SPATA6: variants seen among roughly 807,000 people sequenced by gnomAD.
SPATA6 encodes the protein spermatogenesis associated 6.
In SPATA6, 56 loss-of-function variants were observed where a neutral mutation model predicts 65.3. The observed-to-expected ratio is 0.86, with a 90% CI of 0.69 to 1.07. SPATA6 has a LOEUF of 1.07. SPATA6 is among the 50% of genes least tolerant of loss of function. The pLI is 0.00. For synonymous variants in SPATA6, 199 were observed against 213.2 expected (o/e 0.93, Z 0.58); for missense variants, 590 against 594.8 (o/e 0.99, Z 0.08).
intron 11 of SPATA6, among the ~76,000 whole-genome samples, chr1:48,337,785 C>A (rs1457850246): frequency 6.6e-6 from 1 of 151,754 alleles, no homozygotes; most frequent in Admixed American, 6.6e-5. Context: ...GAAAGACATG[C>A]TAGACCTATG....
intron 9 of SPATA6, among the ~76,000 whole-genome samples, chr1:48,369,470 C>T (rs963224615): frequency 6.6e-6 from 1 of 152,224 alleles, no homozygotes; most frequent in African/African-American, 2.4e-5. Flanking sequence ...CTAAGCAAGC[C>T]TGGGCAATGG....
intron 6 of SPATA6, among the ~76,000 whole-genome samples, chr1:48,400,028 T>C (rs1321328700): frequency 6.6e-6 from 1 of 151,958 alleles, no homozygotes; most frequent in Non-Finnish European, 1.5e-5. Flanking sequence ...AAGAGAACTA[T>C]GTTTAGTAAT....
intron 11 of SPATA6, among the ~76,000 whole-genome samples, chr1:48,348,629 G>A (rs959056861): frequency 6.6e-6 from 1 of 151,940 alleles, no homozygotes; most frequent in African/African-American, 2.4e-5. Context: ...TTGGAAAAAG[G>A]TCTTTTAGAA....
At chr1:48,417,476 G>A (rs961341016) in intron 3 of SPATA6, among the ~76,000 whole-genome samples, 1 of 152,096 alleles carries the variant, frequency 6.6e-6, no homozygotes, top group Non-Finnish European at 1.5e-5. Context: ...ACAATGTATG[G>A]AATTTATCTG....
intron 1 of SPATA6, among the ~76,000 whole-genome samples, chr1:48,455,735 C>A (rs1341418380): frequency 6.6e-6 from 1 of 152,074 alleles, no homozygotes; most frequent in Non-Finnish European, 1.5e-5. Context: ...TACATCCTTG[C>A]CTCAAATTTG....
At chr1:48,268,764 T>C in the SPATA6 span, among the ~76,000 whole-genome samples, 3 of 152,202 alleles carry the variant, frequency 2.0e-5, no homozygotes, top group Admixed American at 6.5e-5. Flanking sequence ...AAAAGGTTAA[T>C]AGAATGTTTT....
At chr1:48,427,912 T>G (rs147896767) in intron 3 of SPATA6, among the ~76,000 whole-genome samples, 338 of 152,304 alleles carry the variant, frequency 2.2e-3, no homozygotes, top group African/African-American at 7.7e-3. Context: ...CTCCAGTGTT[T>G]ATTGTTCCCA....
At chr1:48,341,975 A>G (rs1375595652) in intron 11 of SPATA6, among the ~76,000 whole-genome samples, 1 of 152,216 alleles carries the variant, frequency 6.6e-6, no homozygotes, top group African/African-American at 2.4e-5. Flanking sequence ...ACCAAAGAAT[A>G]TACACAATAT....
At chr1:48,399,301 G>C (rs200260978) in intron 7 of SPATA6, 50 bp downstream of exon 7, 11 of 1,542,510 alleles carry the variant, frequency 7.1e-6, no homozygotes, top group Non-Finnish European at 9.6e-6. Context: ...CAGTTTTTTT[G>C]GGAAAAAAGC....
At chr1:48,364,274 G>C (rs182919613) in intron 9 of SPATA6, among the ~76,000 whole-genome samples, 5 of 152,288 alleles carry the variant, frequency 3.3e-5, no homozygotes, top group Non-Finnish European at 5.9e-5. Flanking sequence ...ATGTGCATGT[G>C]TCTTTATAGA....
intron 11 of SPATA6, among the ~76,000 whole-genome samples, chr1:48,352,173 T>G (rs1011349931): frequency 6.6e-6 from 1 of 152,040 alleles, no homozygotes; most frequent in Admixed American, 6.6e-5. Context: ...AGAGATCTTA[T>G]GCAGAGGAAC....
chr1:48,311,783 G>A (rs560337297), intron 11 of SPATA6, among the ~76,000 whole-genome samples: 4 of 152,312 alleles, frequency 2.6e-5, no homozygotes, highest in East Asian at 1.9e-4. Context: ...CACCTCCCCC[G>A]GGAAGTACAA....
At position 48,385,366 on chromosome 1, in the gene SPATA6, A is replaced by G; in HGVS notation, c.869-17T>C. 1 of 1,603,926 alleles carries G rather than the reference A, an allele frequency of 6.2e-7. No homozygotes were observed. The highest frequency in any genetic ancestry group is 8.5e-7 in the Non-Finnish European group (1 of 1,176,350). ...GAGAATGATCTGAAAAAGGAAGTAC[A>G]AAACAATTAAAGTTTAAATTTGGTT... On this transcript the variant is annotated splice_polypyrimidine_tract_variant and intron_variant, in intron 8 of 12. Coordinates refer to ENST00000371847, the MANE Select transcript of SPATA6 (RefSeq NM_019073.4).
At chr1:48,356,980 G>T (rs1360032650) in intron 10 of SPATA6, among the ~76,000 whole-genome samples, 1 of 152,050 alleles carries the variant, frequency 6.6e-6, no homozygotes, top group Non-Finnish European at 1.5e-5. Flanking sequence ...AGCAGACTTT[G>T]TTATTTGCAA....
At chr1:48,315,826 A>G (rs1466619414) in intron 11 of SPATA6, among the ~76,000 whole-genome samples, 1 of 152,222 alleles carries the variant, frequency 6.6e-6, no homozygotes, top group African/African-American at 2.4e-5. Context: ...TAAGCTGATA[A>G]GCAACGTCAG....
At chr1:48,314,139 C>T (rs1382557235) in intron 11 of SPATA6, among the ~76,000 whole-genome samples, 1 of 152,002 alleles carries the variant, frequency 6.6e-6, no homozygotes, top group Non-Finnish European at 1.5e-5. Flanking sequence ...CAACGAGACA[C>T]AAAGTTAACA....
intron 3 of SPATA6, among the ~76,000 whole-genome samples, chr1:48,415,415 G>C (rs1466399887): frequency 6.6e-6 from 1 of 151,954 alleles, no homozygotes; most frequent in Non-Finnish European, 1.5e-5. Context: ...GGGGTTTTTT[G>C]GTGTTTTTGG....
rs1646291925 is a variant in SPATA6 at position 48,343,989 on chromosome 1, T to C, written c.1194+11681A>G. Among the ~76,000 whole-genome samples, 4 of 151,968 alleles carry C rather than the reference T, an allele frequency of 2.6e-5. No homozygotes were observed. In the South Asian group the frequency reaches 8.3e-4, roughly 32 times the overall value. ...AAGGAAATAAAGAATATAGAACAGG[T>C]AGTGCAAATAGAAAACAATAGGTTT... On this transcript the variant is annotated intron_variant, in intron 11 of 12. Transcript: ENST00000371847.
chr1:48,362,832 C>A (rs142788125), intron 9 of SPATA6, among the ~76,000 whole-genome samples: 1 of 152,016 alleles, frequency 6.6e-6, no homozygotes, highest in Admixed American at 6.6e-5. Flanking sequence ...AATAGTTGGG[C>A]TATTTCTATA....
Sources: allele counts gnomAD v4.1 joint callset (sites outside exome capture counted in the v4.1 genomes callset), GRCh38; gene constraint gnomAD v4.1.1; transcripts MANE v1.5; gene names NCBI Gene and HGNC (gene_info 2026-07-23, HGNC 2026-07-21).